Variants in ARB2A observed in about 807,000 individuals in gnomAD.
The protein encoded by ARB2A is cotranscriptional regulator ARB2A.
chr5:93,779,548 G>T, the ARB2A span, among the ~76,000 whole-genome samples: 2 of 152,072 alleles, frequency 1.3e-5, no homozygotes, highest in African/African-American at 4.8e-5. Flanking sequence ...TTTATTCTCA[G>T]GTCCCCTGAA....
At chr5:93,878,376 A>G in the ARB2A span, among the ~76,000 whole-genome samples, 2 of 152,000 alleles carry the variant, frequency 1.3e-5, no homozygotes, top group Non-Finnish European at 2.9e-5. Context: ...ACATGCCCTC[A>G]TGAAGCTTAT....
the ARB2A span, among the ~76,000 whole-genome samples, chr5:93,904,133 A>T: frequency 3.3e-5 from 5 of 151,936 alleles, no homozygotes; most frequent in Non-Finnish European, 5.9e-5. Context: ...TACTGTATAG[A>T]CTAAAGGGAA....
At chr5:94,010,330 T>C in the ARB2A span, among the ~76,000 whole-genome samples, 13,885 of 152,198 alleles carry the variant, frequency 0.091, 793 homozygotes, top group Middle Eastern at 0.16. Context: ...TCATTTTGCT[T>C]AGCTTTAAAC....
chr5:93,925,346 C>T, the ARB2A span, among the ~76,000 whole-genome samples: 1 of 152,134 alleles, frequency 6.6e-6, no homozygotes, highest in African/African-American at 2.4e-5. Context: ...GAGAAACTTA[C>T]ACTTTTATTT....
At chr5:93,902,085 T>C in the ARB2A span, among the ~76,000 whole-genome samples, 1 of 152,072 alleles carries the variant, frequency 6.6e-6, no homozygotes, top group South Asian at 2.1e-4. Context: ...AGATAAGATA[T>C]ATAAGAGTCA....
chr5:93,722,085 C>A, the ARB2A span, among the ~76,000 whole-genome samples: 1 of 152,016 alleles, frequency 6.6e-6, no homozygotes, highest in East Asian at 1.9e-4. Context: ...TTAGAATAAA[C>A]AAATAACTAT....
the ARB2A span, among the ~76,000 whole-genome samples, chr5:94,084,900 T>C: frequency 6.6e-6 from 1 of 152,154 alleles, no homozygotes; most frequent in African/African-American, 2.4e-5. Flanking sequence ...AATGTGAAAC[T>C]CAAACTTTAA....
chr5:93,720,465 A>C, the ARB2A span, among the ~76,000 whole-genome samples: 2 of 152,222 alleles, frequency 1.3e-5, no homozygotes, highest in Non-Finnish European at 2.9e-5. Flanking sequence ...TTTCGGTGTC[A>C]TATCTTTAAG....
chr5:93,651,201 C>A, the ARB2A span, among the ~76,000 whole-genome samples: 3 of 151,710 alleles, frequency 2.0e-5, no homozygotes, highest in African/African-American at 7.3e-5. Flanking sequence ...AGTGGTGCAA[C>A]CAGGGCTCAA....
the ARB2A span, among the ~76,000 whole-genome samples, chr5:93,786,972 C>T: frequency 5.3e-5 from 8 of 152,230 alleles, no homozygotes; most frequent in Middle Eastern, 6.8e-3. Context: ...TCTGGAAAAC[C>T]CTCTCTGAAA....
chr5:94,005,494 C>T, the ARB2A span, among the ~76,000 whole-genome samples: 6 of 152,134 alleles, frequency 3.9e-5, no homozygotes, highest in Middle Eastern at 3.2e-3. Flanking sequence ...AGGTGTGCAC[C>T]ACCACACCTG....
the ARB2A span, among the ~76,000 whole-genome samples, chr5:93,621,642 C>G: frequency 6.6e-6 from 1 of 152,228 alleles, no homozygotes. Flanking sequence ...GCGCCTGTTT[C>G]CTTGCTTCCC....
At chr5:93,741,096 C>T in the ARB2A span, 1 of 1,613,846 alleles carries the variant, frequency 6.2e-7, no homozygotes, top group South Asian at 1.1e-5. Flanking sequence ...TAAGCACCTT[C>T]CCAAACAGAG....
chr5:94,090,191 CTT>C, the ARB2A span, among the ~76,000 whole-genome samples: 1 of 152,086 alleles, frequency 6.6e-6, no homozygotes. Flanking sequence ...TGTGTCCTCT[CTT>C]ATTTCCTTGA....
At chr5:93,852,585 T>G in the ARB2A span, among the ~76,000 whole-genome samples, 21 of 152,286 alleles carry the variant, frequency 1.4e-4, 1 homozygote, top group South Asian at 1.0e-3. Flanking sequence ...TTTATGGTTT[T>G]AGGTCTAACG....
chr5:93,847,490 A>G, the ARB2A span, among the ~76,000 whole-genome samples: 1 of 152,160 alleles, frequency 6.6e-6, no homozygotes, highest in African/African-American at 2.4e-5. Flanking sequence ...CAAAGTTTTA[A>G]AATATTTGAA....
At chr5:93,866,166 G>T in the ARB2A span, 1 of 985,312 alleles carries the variant, frequency 1.0e-6, no homozygotes, top group East Asian at 1.1e-4. Flanking sequence ...TTCTTTGATG[G>T]CATCATTTTA....
At chr5:94,069,088 A>AGATAGACT in the ARB2A span, among the ~76,000 whole-genome samples, 1 of 134,970 alleles carries the variant, frequency 7.4e-6, no homozygotes, top group African/African-American at 2.6e-5. Context: ...ATAGATAGAT[A>AGATAGACT]GACTAATGGA....
At chr5:93,620,858 A>T in the ARB2A span, 1 of 1,256,046 alleles carries the variant, frequency 8.0e-7, no homozygotes, top group Non-Finnish European at 1.1e-6. Context: ...ATTTAGATGT[A>T]TATATCACGA....
Sources: allele counts gnomAD v4.1 joint callset (sites outside exome capture counted in the v4.1 genomes callset), GRCh38; gene constraint gnomAD v4.1.1; transcripts MANE v1.5; gene names NCBI Gene and HGNC (gene_info 2026-07-23, HGNC 2026-07-21).